The following HIF1AN variants were observed in gnomAD, a reference collection of about 807,000 sequenced individuals.
HIF1AN encodes hypoxia inducible factor 1 subunit alpha inhibitor.
Under a neutral mutation model 47.7 loss-of-function variants are expected in HIF1AN, and 21 were observed. That is an observed-to-expected ratio of 0.44 (90% CI 0.31 to 0.63). HIF1AN has a LOEUF of 0.63. Among genes scored for constraint, HIF1AN ranks in the 30% least tolerant of loss-of-function variants. The probability of loss-of-function intolerance (pLI) is 0.07; values close to 1 mark genes in which losing one functional copy is unlikely to be tolerated. For synonymous variants in HIF1AN, 152 were observed against 155.9 expected, an observed-to-expected ratio of 0.98 and a Z score of 0.18; for missense variants, 320 against 432.7, an observed-to-expected ratio of 0.74 and a Z score of 2.31.
rs1483872757 is a variant in HIF1AN at position 100,554,812 on chromosome 10, A to G, written c.*6675A>G. 6.6e-6 allele frequency: 1 copy of G among 151,912 alleles called. No individual in the cohort carries two copies. The highest frequency in any genetic ancestry group is 1.5e-5 in the Non-Finnish European group (1 of 67,970). 9.4% of individuals were successfully genotyped at this position (151,912 alleles called of 1,614,324 possible). ...CTACAGTGAGACTCCCTCTCAAAAAAAAAAAAAAAAAATTATGAGTATGTT... is the reference window on the plus strand; with the variant it reads ...CTACAGTGAGACTCCCTCTCAAAAAGAAAAAAAAAAAATTATGAGTATGTT... On this transcript the variant is annotated 3_prime_UTR_variant, in exon 8 of 8. Coordinates refer to ENST00000299163, the MANE Select transcript of HIF1AN (RefSeq NM_017902.3).
At position 100,558,659 on chromosome 10, in the gene HIF1AN, A is replaced by G. The variant is rs1843233845; in HGVS notation, c.*10522A>G. ...AGCTGACTGACTGCCTTTTTATGTA[A>G]TGGAGGCCATGTGATAGGGCTTTAT... On this transcript the variant is annotated 3_prime_UTR_variant, in exon 8 of 8. Transcript: ENST00000299163. The G allele has an allele frequency of 6.6e-6, 1 of 152,188 alleles. No homozygotes were observed. Among genetic ancestry groups the G allele is most frequent in the Admixed American group, 6.5e-5 (1 of 15,280 alleles). The allele number at this position is 152,188 out of a possible 1,614,324, so 9.4% of individuals were successfully genotyped here.
At chr10:100,546,489 T>G in intron 5 of HIF1AN, 29 bp from the exon 6 acceptor site, 1 of 1,497,520 alleles carries the variant, frequency 6.7e-7, no homozygotes, top group Non-Finnish European at 9.1e-7. Flanking sequence ...GTATCAGTAG[T>G]AAACAGGAGC....
chr10:100,540,637 G>A lies in HIF1AN; in HGVS notation c.432G>A (p.Leu144=), dbSNP rs1271472886. The part of the protein sequence containing the change: ...DIQQRGGEER[L]YLQQTLNDTV... ...ATTTTCTTCTTGGGGAACATAGGTT[G>A]TATCTGCAGCAAACGCTCAATGACA... Residue 144 remains leucine, a synonymous_variant, in exon 3 of 8, where the codon TTG becomes TTA. Transcript: ENST00000299163. The A allele has an allele frequency of 6.2e-7, 1 of 1,613,786 alleles. No homozygotes were observed. The highest frequency in any genetic ancestry group is 8.5e-7 in the Non-Finnish European group (1 of 1,179,904).
rs1395864175 is a variant in HIF1AN, at chr10:100,536,391, C to T, written c.178-20C>T. 3 of 1,610,928 alleles carry T rather than the reference C, an allele frequency of 1.9e-6. No individual in the cohort carries two copies. Among genetic ancestry groups the T allele is most frequent in the African/African-American group, 1.3e-5 (1 of 74,920 alleles). ...TGGCATTACTTCATTTGGTGTTTTT[C>T]ACCTGTTGTTTTCATTTAGGAGCCT... On this transcript the variant is annotated intron_variant, in intron 1 of 7. Coordinates refer to ENST00000299163, the MANE Select transcript of HIF1AN (RefSeq NM_017902.3).
Position 100,553,039 on chromosome 10 carries a change from TG to T in HIF1AN, c.*4904del, listed in dbSNP as rs995285664. The T allele has an allele frequency of 4.1e-4, 63 of 152,136 alleles. No homozygotes were observed. The highest frequency in any genetic ancestry group is 1.5e-3 in the African/African-American group (62 of 41,466). 9.4% of individuals were successfully genotyped at this position (152,136 alleles called of 1,614,324 possible). ...GGAAGTCTTGAGGCCTGGGGGCGTG[TG>T]GTCAGTGAGGCCTCCAGAGGTGGGT... On this transcript the variant is annotated 3_prime_UTR_variant, in exon 8 of 8. Coordinates refer to ENST00000299163, the MANE Select transcript of HIF1AN (RefSeq NM_017902.3).
intron 6 of HIF1AN, 84 bp downstream of exon 6, chr10:100,546,665 A>G (rs1589753516): frequency 1.0e-6 from 1 of 971,984 alleles, no homozygotes; most frequent in Non-Finnish European, 1.7e-6. Context: ...TTTGGATGGG[A>G]TGGTTGACTA....
At chr10:100,545,788 A>C (rs1299456987) in intron 4 of HIF1AN, among the ~76,000 whole-genome samples, 155 bp from the exon 5 acceptor site, 1 of 151,920 alleles carries the variant, frequency 6.6e-6, no homozygotes, top group Non-Finnish European at 1.5e-5. Flanking sequence ...AATGTGCATT[A>C]TATCTTCTGC....
Position 100,553,977 on chromosome 10 carries a change from G to C in HIF1AN, c.*5840G>C, listed in dbSNP as rs996433066. ...TCAGTGATCTCTAAACAGATTTCCA[G>C]TGGTTCTTTCTCTCTCAAGAAAAGC... On this transcript the variant is annotated 3_prime_UTR_variant, in exon 8 of 8. Coordinates refer to ENST00000299163, the MANE Select transcript of HIF1AN (RefSeq NM_017902.3). 6.6e-6 allele frequency: 1 copy of C among 152,056 alleles called. No homozygotes were observed. The highest frequency in any genetic ancestry group is 1.5e-5 in the Non-Finnish European group (1 of 67,948). 9.4% of individuals were successfully genotyped at this position (152,056 alleles called of 1,614,324 possible).
chr10:100,545,390 A>G (rs1843083892), intron 4 of HIF1AN: 2 of 350,128 alleles, frequency 5.7e-6, no homozygotes, highest in Non-Finnish European at 1.0e-5. Flanking sequence ...AGTTTATGGA[A>G]CAAAATGTGT....
intron 3 of HIF1AN, 40 bp downstream of exon 3, chr10:100,540,822 T>C (rs962348331): frequency 6.5e-7 from 1 of 1,549,002 alleles, no homozygotes; most frequent in Admixed American, 2.1e-5. Context: ...TGGAGTCATA[T>C]GAACCTGATT....
chr10:100,546,966 C>T (rs1843099823), intron 6 of HIF1AN, among the ~76,000 whole-genome samples, 174 bp from the exon 7 acceptor site: 2 of 152,086 alleles, frequency 1.3e-5, no homozygotes, highest in Admixed American at 6.5e-5. Flanking sequence ...TCTCAAACTC[C>T]TGACCTCAAG....
intron 7 of HIF1AN, among the ~76,000 whole-genome samples, chr10:100,547,620 C>T (rs2100043105): frequency 6.6e-6 from 1 of 152,092 alleles, no homozygotes; most frequent in Non-Finnish European, 1.5e-5. Context: ...GCCAGTGGCC[C>T]ATTGGGTAAA....
chr10:100,542,846 G>GTT (rs397730143), intron 3 of HIF1AN, among the ~76,000 whole-genome samples: 1,631 of 111,686 alleles, frequency 0.015, 134 homozygotes, highest in African/African-American at 0.031. Flanking sequence ...ATGTGAATGT[G>GTT]TTTTTTTTTT....
intron 4 of HIF1AN, among the ~76,000 whole-genome samples, 177 bp from the exon 5 acceptor site, chr10:100,545,762 TTCTC>T (rs1323281774): frequency 6.6e-6 from 1 of 152,192 alleles, no homozygotes; most frequent in Non-Finnish European, 1.5e-5. Context: ...TCTTATATTG[TTCTC>T]TCTCAGGGTT....
chr10:100,540,643 G>A lies in HIF1AN; in HGVS notation c.438G>A (p.Leu146=). ...TTCTTGGGGAACATAGGTTGTATCT[G>A]CAGCAAACGCTCAATGACACTGTGG... ...QQRGGEERLY[L]QQTLNDTVGR... is the part of the protein sequence containing the mutation. Residue 146 remains leucine, a synonymous_variant, in exon 3 of 8, where the codon CTG becomes CTA. Coordinates refer to ENST00000299163, the MANE Select transcript of HIF1AN (RefSeq NM_017902.3). 1 of 1,613,736 alleles carries A rather than the reference G, an allele frequency of 6.2e-7. No homozygotes were observed. Among genetic ancestry groups the A allele is most frequent in the Non-Finnish European group, 8.5e-7 (1 of 1,179,892 alleles).
At chr10:100,537,061 C>T (rs557041962) in intron 2 of HIF1AN, among the ~76,000 whole-genome samples, 80 of 152,234 alleles carry the variant, frequency 5.3e-4, no homozygotes, top group African/African-American at 1.9e-3. Context: ...GCGGGGGTGG[C>T]TCATGCCTGT....
rs1478889658 is a variant in HIF1AN, at chr10:100,536,489, G to A, written c.256G>A (p.Gly86Ser). The change falls in exon 2 of 8, where the codon GGC becomes AGC. Residue 86 changes from glycine (G) to serine (S), a missense_variant. Transcript: ENST00000299163. Reference protein sequence around the residue: ...WDLEYLQENIGNGDFSVYSAS... With the variant: ...WDLEYLQENISNGDFSVYSAS... Reference sequence around the variant, plus strand: ...CCTTGAATACCTGCAAGAGAATATTGGCAATGGAGACTTCTCTGTGTACAG... The same window carrying A: ...CCTTGAATACCTGCAAGAGAATATTAGCAATGGAGACTTCTCTGTGTACAG... 9 of 1,614,048 alleles carry A rather than the reference G, an allele frequency of 5.6e-6. No individual in the cohort carries two copies. The highest frequency in any genetic ancestry group is 7.6e-6 in the Non-Finnish European group (9 of 1,179,982).
At chr10:100,539,973 TG>T (rs1265484133) in intron 2 of HIF1AN, among the ~76,000 whole-genome samples, 1 of 152,164 alleles carries the variant, frequency 6.6e-6, no homozygotes, top group African/African-American at 2.4e-5. Flanking sequence ...TGCATTTTTA[TG>T]GGGAACCTCC....
At position 100,544,270 on chromosome 10, in the gene HIF1AN, A is replaced by G. The variant is rs17113197; in HGVS notation, c.578-681A>G. Among the ~76,000 whole-genome samples, 1,048 of 152,308 alleles carry G rather than the reference A, an allele frequency of 6.9e-3. 13 individuals carry two copies. The highest frequency in any genetic ancestry group is 0.023 in the African/African-American group (975 of 41,566). ...AAATCACTTGCACCAGTGAGCCCCA[A>G]TGTTGCTTTAAGAAGTGTTGTCTTG... On this transcript the variant is annotated intron_variant, in intron 3 of 7. Transcript: ENST00000299163.
Sources: gnomAD v4.1 joint callset for allele counts (sites outside exome capture counted in the v4.1 genomes callset) on GRCh38, gnomAD v4.1.1 for gene constraint, MANE v1.5 for transcripts, NCBI Gene and HGNC (gene_info 2026-07-23, HGNC 2026-07-21) for gene names.